NCOA2: variants seen among roughly 807,000 people sequenced by gnomAD.
NCOA2 encodes the protein class E basic helix-loop-helix protein 75.
A neutral mutation model predicts 145.1 loss-of-function variants in NCOA2; 21 were observed. The ratio of observed to expected loss-of-function variants is 0.14; its 90% CI spans 0.10 to 0.21. NCOA2 has a LOEUF of 0.21. Ranked by LOEUF, NCOA2 falls within the 10% of genes least tolerant of loss-of-function variation. The probability of loss-of-function intolerance (pLI) is 1.00; values close to 1 mark genes in which losing one functional copy is unlikely to be tolerated. For missense variants in NCOA2, 1,472 were observed against 1,837.6 expected (o/e 0.80, Z 3.64); for synonymous variants, 619 against 637.5 (o/e 0.97, Z 0.44).
chr8:70,261,197 C>T (rs1238905831), intron 2 of NCOA2, among the ~76,000 whole-genome samples: 1 of 152,138 alleles, frequency 6.6e-6, no homozygotes, highest in Non-Finnish European at 1.5e-5. Context: ...GACTTGGAAC[C>T]AACCCAAATG....
chr8:70,231,745 T>TG (rs1326579557), intron 2 of NCOA2, among the ~76,000 whole-genome samples: 1 of 152,118 alleles, frequency 6.6e-6, no homozygotes, highest in Non-Finnish European at 1.5e-5. Flanking sequence ...GGATAGTAGG[T>TG]GGGGTCACCC....
At chr8:70,253,679 T>C (rs1475731303) in intron 2 of NCOA2, among the ~76,000 whole-genome samples, 1 of 152,148 alleles carries the variant, frequency 6.6e-6, no homozygotes, top group African/African-American at 2.4e-5. Context: ...ACAAATAGTA[T>C]TGGGAAAATT....
chr8:70,289,982 C>T (rs1450033822), intron 2 of NCOA2, among the ~76,000 whole-genome samples: 2 of 152,046 alleles, frequency 1.3e-5, no homozygotes, highest in Non-Finnish European at 2.9e-5. Context: ...CTACAGAACA[C>T]GCCACTGTGC....
chr8:70,314,825 A>G (rs1805456970), intron 1 of NCOA2, among the ~76,000 whole-genome samples: 1 of 152,222 alleles, frequency 6.6e-6, no homozygotes, highest in African/African-American at 2.4e-5. Flanking sequence ...CCTAAGGCCT[A>G]CAAGAGAAAC....
chr8:70,217,072 T>C (rs980000366), intron 2 of NCOA2, among the ~76,000 whole-genome samples: 2 of 152,172 alleles, frequency 1.3e-5, no homozygotes, highest in African/African-American at 4.8e-5. Context: ...AGCTCTGGGT[T>C]TGGGCTGCCA....
chr8:70,144,319 A>C (rs1810783318), intron 13 of NCOA2, among the ~76,000 whole-genome samples: 1 of 152,248 alleles, frequency 6.6e-6, no homozygotes, highest in South Asian at 2.1e-4. Context: ...TTGAGGTATC[A>C]GTAAATTATC....
intron 2 of NCOA2, among the ~76,000 whole-genome samples, chr8:70,227,955 G>T (rs1187376736): frequency 7.0e-6 from 1 of 143,700 alleles, no homozygotes; most frequent in Non-Finnish European, 1.5e-5. Context: ...GGTGGAGGTC[G>T]CAGTGAGCCA....
chr8:70,184,796 A>C (rs560637704), intron 4 of NCOA2, among the ~76,000 whole-genome samples: 60 of 152,276 alleles, frequency 3.9e-4, no homozygotes, highest in African/African-American at 1.4e-3. Flanking sequence ...TGAAGCTTGC[A>C]AGGCTTCACA....
intron 19 of NCOA2, among the ~76,000 whole-genome samples, chr8:70,125,962 C>T (rs1433546490): frequency 6.6e-6 from 1 of 152,126 alleles, no homozygotes; most frequent in Non-Finnish European, 1.5e-5. Flanking sequence ...ACTTGTAAAA[C>T]ATGCATATTT....
chr8:70,166,191 A>G (rs1055421487), intron 7 of NCOA2, among the ~76,000 whole-genome samples: 2 of 152,204 alleles, frequency 1.3e-5, no homozygotes, highest in Non-Finnish European at 2.9e-5. Flanking sequence ...GGATCCCTCA[A>G]AAGTGTGCTC....
At chr8:70,451,255 T>TAA in the NCOA2 span, among the ~76,000 whole-genome samples, 6 of 123,066 alleles carry the variant, frequency 4.9e-5, no homozygotes, top group East Asian at 6.8e-4. Flanking sequence ...TATATATATA[T>TAA]AAATTAGCCA....
At chr8:70,122,118 T>G (rs1241790485) in intron 21 of NCOA2, among the ~76,000 whole-genome samples, 8 of 152,204 alleles carry the variant, frequency 5.3e-5, no homozygotes, top group Admixed American at 5.2e-4. Flanking sequence ...ACTATCTCAG[T>G]AGCCCTTACT....
At chr8:70,201,072 A>AAAG (rs1817840068) in intron 4 of NCOA2, among the ~76,000 whole-genome samples, 1 of 149,488 alleles carries the variant, frequency 6.7e-6, no homozygotes, top group Non-Finnish European at 1.5e-5. Context: ...AAAAAAAAAA[A>AAAG]GTAAAGTGAA....
intron 4 of NCOA2, among the ~76,000 whole-genome samples, chr8:70,213,666 T>C (rs1225511903): frequency 2.0e-5 from 3 of 152,170 alleles, no homozygotes; most frequent in Non-Finnish European, 2.9e-5. Context: ...AGATGAAAAG[T>C]TCCATCACCC....
chr8:70,352,957 A>G (rs144977511), intron 1 of NCOA2, among the ~76,000 whole-genome samples: 5 of 152,314 alleles, frequency 3.3e-5, no homozygotes, highest in African/African-American at 7.2e-5. Context: ...TAGTAGTAGC[A>G]TAACATACAG....
At chr8:70,151,313 G>T (rs1244489558) in intron 11 of NCOA2, among the ~76,000 whole-genome samples, 1 of 150,570 alleles carries the variant, frequency 6.6e-6, no homozygotes, top group African/African-American at 2.4e-5. Flanking sequence ...TTGGAGACAA[G>T]GTCTCACTCT....
chr8:70,314,008 A>AT (rs930114013), intron 1 of NCOA2, among the ~76,000 whole-genome samples: 14 of 149,902 alleles, frequency 9.3e-5, no homozygotes, highest in Admixed American at 2.7e-4. Flanking sequence ...CCTACTAAAA[A>AT]ATATATATAT....
chr8:70,259,111 C>T (rs1037546805), intron 2 of NCOA2, among the ~76,000 whole-genome samples: 9 of 152,144 alleles, frequency 5.9e-5, no homozygotes, highest in African/African-American at 2.2e-4. Flanking sequence ...CCTTTCCTTC[C>T]ATCTTCCGCC....
chr8:70,175,498 G>A (rs1196837201), intron 4 of NCOA2, among the ~76,000 whole-genome samples: 1 of 152,238 alleles, frequency 6.6e-6, no homozygotes, highest in Non-Finnish European at 1.5e-5. Context: ...TAGCAGAAAG[G>A]CGCGTAGCGT....
Sources: allele counts gnomAD v4.1 joint callset (sites outside exome capture counted in the v4.1 genomes callset), GRCh38; gene constraint gnomAD v4.1.1; transcripts MANE v1.5; gene names NCBI Gene and HGNC (gene_info 2026-07-23, HGNC 2026-07-21).